Variants in SCARB2 observed in about 807,000 individuals in gnomAD.
SCARB2 encodes scavenger receptor class B member 2.
SCARB2 carries 29 observed loss-of-function variants against 58.6 expected under a neutral mutation model. The observed-to-expected ratio is 0.49, with a 90% confidence interval of 0.37 to 0.67. The LOEUF (loss-of-function observed/expected upper bound fraction) is 0.67, where lower values mean the gene tolerates loss of function less well. Among genes scored for constraint, SCARB2 ranks in the 30% least tolerant of loss-of-function variants. The probability of loss-of-function intolerance (pLI) is 0.00; values close to 1 mark genes in which losing one functional copy is unlikely to be tolerated. For synonymous variants in SCARB2, 195 were observed against 210.1 expected, an observed-to-expected ratio of 0.93 and a Z score of 0.62; for missense variants, 488 against 578.5, an observed-to-expected ratio of 0.84 and a Z score of 1.60.
At chr4:76,198,433 T>C (rs1732758476) in intron 1 of SCARB2, among the ~76,000 whole-genome samples, 1 of 152,218 alleles carries the variant, frequency 6.6e-6, no homozygotes, top group Non-Finnish European at 1.5e-5. Flanking sequence ...TGTTCTGACA[T>C]GCGTAAACAG....
Position 76,161,122 on chromosome 4 carries a change from G to A in SCARB2, c.*591C>T, listed in dbSNP as rs1431448943. 6.4e-6 allele frequency: 1 copy of A among 157,074 alleles called. No individual in the cohort carries two copies. The highest frequency in any genetic ancestry group is 1.4e-5 in the Non-Finnish European group (1 of 70,778). The allele number at this position is 157,074 out of a possible 1,614,324, so 9.7% of individuals were successfully genotyped here. A position where few individuals can be genotyped will look rare whatever the true frequency, so the allele number is the denominator to read the frequency against. Reference sequence around the variant, plus strand: ...ATTTGATTCTACCCAGTATTTTATTGCAGTTGGAAGACTGAGTTTTCCTGG... The same window carrying A: ...ATTTGATTCTACCCAGTATTTTATTACAGTTGGAAGACTGAGTTTTCCTGG... On this transcript the variant is annotated 3_prime_UTR_variant, in exon 12 of 12. Transcript: ENST00000264896.
Position 76,213,820 on chromosome 4 carries a change from A to G in SCARB2, c.-277T>C, listed in dbSNP as rs1363268157. The G allele has an allele frequency of 2.7e-5, 9 of 330,602 alleles. No individual in the cohort carries two copies. In the Admixed American group the frequency reaches 5.0e-4, roughly 18 times the overall value. The allele number at this position is 330,602 out of a possible 1,614,324, so 20.5% of individuals were successfully genotyped here. A position where few individuals can be genotyped will look rare whatever the true frequency, so the allele number is the denominator to read the frequency against. ...TGGCGCCCGCCTAGCGCAGCTCGGG[A>G]GAGTGCAGGGAGCGCGCAGGGACGT... On this transcript the variant is annotated 5_prime_UTR_variant, in exon 1 of 12. Coordinates refer to ENST00000264896, the MANE Select transcript of SCARB2 (RefSeq NM_005506.4).
intron 10 of SCARB2, chr4:76,166,035 T>A (rs1247913782): frequency 9.6e-6 from 6 of 627,120 alleles, no homozygotes; most frequent in South Asian, 1.9e-5. Flanking sequence ...ATAGTGTTCT[T>A]GAGAAGGAAA....
Position 76,163,294 on chromosome 4 carries a change from C to T in SCARB2, c.1329G>A (p.Met443Ile), listed in dbSNP as rs1232863838. 2 of 1,614,038 alleles carry T rather than the reference C, an allele frequency of 1.2e-6. No individual in the cohort carries two copies. Among genetic ancestry groups the T allele is most frequent in the African/African-American group, 2.7e-5 (2 of 74,898 alleles). Residue 443 changes from methionine (M) to isoleucine (I), a missense_variant, in exon 11 of 12, where the codon ATG becomes ATA. Transcript: ENST00000264896. ...CCAAACCAAAGAACACACCCAGCGC[C>T]ATGATGATGTAGGGTATGTTGGTGA... ...LIITNIPYIIMALGVFFGLVF... is the reference protein window; with the variant it reads ...LIITNIPYIIIALGVFFGLVF...
chr4:76,169,754 A>C, intron 8 of SCARB2, 113 bp downstream of exon 8: 1 of 893,554 alleles, frequency 1.1e-6, no homozygotes, highest in South Asian at 1.3e-5. Context: ...TCCCACTTGA[A>C]TATGTATATG....
intron 2 of SCARB2, among the ~76,000 whole-genome samples, chr4:76,185,320 C>A (rs1422190000): frequency 6.6e-6 from 1 of 152,156 alleles, no homozygotes; most frequent in Non-Finnish European, 1.5e-5. Context: ...AATGAACTTT[C>A]AGAAATACAA....
intron 1 of SCARB2, among the ~76,000 whole-genome samples, chr4:76,222,747 G>A (rs909154856): frequency 3.9e-5 from 6 of 152,154 alleles, no homozygotes; most frequent in African/African-American, 1.4e-4. Context: ...CTTGCTATAT[G>A]CCAAGCTCTG....
chr4:76,224,225 A>T (rs1733355828), intron 1 of SCARB2, among the ~76,000 whole-genome samples: 1 of 152,212 alleles, frequency 6.6e-6, no homozygotes, highest in Non-Finnish European at 1.5e-5. Context: ...CCATTGTCAC[A>T]CATAGTTCAT....
chr4:76,210,540 T>C (rs1232409653), intron 1 of SCARB2, among the ~76,000 whole-genome samples: 3 of 152,222 alleles, frequency 2.0e-5, no homozygotes, highest in Non-Finnish European at 4.4e-5. Flanking sequence ...TCTCTCTTCA[T>C]GAAGGCCCAA....
At chr4:76,214,980 C>T (rs1733173203), upstream of SCARB2, among the ~76,000 whole-genome samples, 1 of 152,214 alleles carries the variant, frequency 6.6e-6, no homozygotes, top group Non-Finnish European at 1.5e-5. Context: ...ATAAAAAGTT[C>T]AGCAAGGCCA....
At chr4:76,210,686 C>T (rs547722767) in intron 1 of SCARB2, among the ~76,000 whole-genome samples, 6 of 152,328 alleles carry the variant, frequency 3.9e-5, no homozygotes, top group African/African-American at 9.6e-5. Context: ...TTGCCCAATA[C>T]GAGGCAGTCA....
intron 5 of SCARB2, chr4:76,176,111 C>T (rs960336540): frequency 4.7e-6 from 3 of 643,286 alleles, no homozygotes. Context: ...GAGGCAATGG[C>T]CAAATAGCCC....
chr4:76,161,437 CCAA>C lies in SCARB2; in HGVS notation c.*273_*275del, dbSNP rs747709726. 9 of 498,866 alleles carry C rather than the reference CCAA, an allele frequency of 1.8e-5. No homozygotes were observed. The highest frequency in any genetic ancestry group is 3.5e-5 in the East Asian group (1 of 28,434). 30.9% of individuals were successfully genotyped at this position (498,866 alleles called of 1,614,324 possible). On this transcript the variant is annotated 3_prime_UTR_variant, in exon 12 of 12. Coordinates refer to ENST00000264896, the MANE Select transcript of SCARB2 (RefSeq NM_005506.4). The stretch of plus-strand genomic sequence containing the variant: ...CACAAAATTCTGGAGCTACCAGCAC[CCAA>C]CAACAACAAAATTACTATACAAGGG...
chr4:76,186,609 G>A (rs904399354), intron 2 of SCARB2, among the ~76,000 whole-genome samples: 14 of 152,238 alleles, frequency 9.2e-5, no homozygotes, highest in Admixed American at 5.2e-4. Flanking sequence ...AGACTCACCC[G>A]CTTGTTGACA....
Position 76,213,670 on chromosome 4 carries a change from G to A in SCARB2, c.-127C>T. ...GGCGCCACGCCCACGCCCTCCCGGC[G>A]CACGGTTCGTGCGCGCAGCTCTGGG... is the stretch of plus-strand genomic sequence containing the variant. On this transcript the variant is annotated 5_prime_UTR_variant, in exon 1 of 12. Coordinates refer to ENST00000264896, the MANE Select transcript of SCARB2 (RefSeq NM_005506.4). 2.7e-6 allele frequency: 2 copies of A among 730,044 alleles called. No homozygotes were observed. Among genetic ancestry groups the A allele is most frequent in the East Asian group, 2.7e-5 (1 of 36,504 alleles). The allele number at this position is 730,044 out of a possible 1,614,324, so 45.2% of individuals were successfully genotyped here. A position where few individuals can be genotyped will look rare whatever the true frequency, so the allele number is the denominator to read the frequency against.
intron 1 of SCARB2, among the ~76,000 whole-genome samples, chr4:76,219,593 T>A (rs1028608454): frequency 5.3e-5 from 8 of 152,108 alleles, no homozygotes; most frequent in Non-Finnish European, 8.8e-5. Flanking sequence ...GAAAGCCAGG[T>A]TTACTCAGCA....
At chr4:76,176,242 C>T in intron 5 of SCARB2, 195 bp downstream of exon 5, 1 of 610,674 alleles carries the variant, frequency 1.6e-6, no homozygotes, top group Non-Finnish European at 2.9e-6. Context: ...GATAAATCTA[C>T]AAATCACTAA....
Position 76,168,402 on chromosome 4 carries a change from C to T in SCARB2, c.1187+1G>A, listed in dbSNP as rs1286426060. ...CCTCCATAGAAAGAAGCAAAACTTACACAAAGTCATCTAATTTTTTGACAT... is the reference window on the plus strand; with the variant it reads ...CCTCCATAGAAAGAAGCAAAACTTATACAAAGTCATCTAATTTTTTGACAT... On this transcript the variant is annotated splice_donor_variant, in intron 9 of 11. Coordinates refer to ENST00000264896, the MANE Select transcript of SCARB2 (RefSeq NM_005506.4). LOFTEE classifies it high-confidence loss of function. 3 of 1,613,676 alleles carry T rather than the reference C, an allele frequency of 1.9e-6. No individual in the cohort carries two copies. The highest frequency in any genetic ancestry group is 1.7e-6 in the Non-Finnish European group (2 of 1,179,568).
intron 1 of SCARB2, among the ~76,000 whole-genome samples, chr4:76,221,585 G>A (rs1733308142): frequency 6.6e-6 from 1 of 152,104 alleles, no homozygotes; most frequent in South Asian, 2.1e-4. Context: ...TTTCTAAAGT[G>A]CTGGGATTAC....
Sources: allele counts gnomAD v4.1 joint callset (sites outside exome capture counted in the v4.1 genomes callset), GRCh38; gene constraint gnomAD v4.1.1; transcripts MANE v1.5; gene names NCBI Gene and HGNC (gene_info 2026-07-23, HGNC 2026-07-21).